The following ITGB5 variants were observed in gnomAD, a reference collection of about 807,000 sequenced individuals.
The protein encoded by ITGB5 is integrin beta-5.
In ITGB5, 38 loss-of-function variants were observed where a neutral mutation model predicts 84.8. That is an observed-to-expected ratio of 0.45 (90% CI 0.35 to 0.59). ITGB5 has a LOEUF of 0.59. Among genes scored for constraint, ITGB5 ranks in the 20% least tolerant of loss-of-function variants. The pLI is 0.01. For missense variants in ITGB5, 905 were observed against 1,034.5 expected (o/e 0.87, Z 1.72); for synonymous variants, 393 against 414.4 (o/e 0.95, Z 0.63).
intron 5 of ITGB5, among the ~76,000 whole-genome samples, chr3:124,825,180 G>C (rs994081820): frequency 2.8e-5 from 4 of 142,650 alleles, no homozygotes; most frequent in Non-Finnish European, 4.5e-5. Context: ...CTGGGCAACA[G>C]AGCGAGACTC....
intron 9 of ITGB5, among the ~76,000 whole-genome samples, chr3:124,802,756 G>A (rs767800382): frequency 3.9e-5 from 6 of 152,242 alleles, no homozygotes; most frequent in Admixed American, 6.5e-5. Context: ...TGGCCTGCAT[G>A]GCCTGGTGTG....
chr3:124,838,385 G>A (rs1341908383), intron 5 of ITGB5, among the ~76,000 whole-genome samples: 1 of 151,706 alleles, frequency 6.6e-6, no homozygotes, highest in Middle Eastern at 3.4e-3. Flanking sequence ...TCTTTCTTTT[G>A]TTTGCAAAAC....
chr3:124,864,545 C>A (rs983440747), intron 2 of ITGB5, among the ~76,000 whole-genome samples: 2 of 152,068 alleles, frequency 1.3e-5, no homozygotes, highest in Admixed American at 6.6e-5. Context: ...AAACCAAATA[C>A]TACGTTTTCC....
chr3:124,814,955 C>T (rs2064563999), intron 8 of ITGB5, among the ~76,000 whole-genome samples: 1 of 152,038 alleles, frequency 6.6e-6, no homozygotes, highest in African/African-American at 2.4e-5. Flanking sequence ...CCCTGCTCCC[C>T]ACTCCCCATC....
At chr3:124,844,496 G>T (rs1364528694) in intron 4 of ITGB5, among the ~76,000 whole-genome samples, 1 of 152,092 alleles carries the variant, frequency 6.6e-6, no homozygotes, top group Non-Finnish European at 1.5e-5. Flanking sequence ...GGAGGTGGAG[G>T]TTGCAGTGAG....
upstream of ITGB5, among the ~76,000 whole-genome samples, chr3:124,892,572 G>A (rs997407747): frequency 3.4e-4 from 50 of 148,270 alleles, no homozygotes; most frequent in African/African-American, 1.2e-3. Context: ...CCAAGTGCCT[G>A]TAGTCCCAGC....
chr3:124,871,290 G>A (rs931862382), intron 2 of ITGB5, among the ~76,000 whole-genome samples: 1 of 152,092 alleles, frequency 6.6e-6, no homozygotes, highest in Non-Finnish European at 1.5e-5. Context: ...CACCTCCCAG[G>A]TTCAAGCAAT....
intron 1 of ITGB5, among the ~76,000 whole-genome samples, chr3:124,896,640 G>A (rs542945232): frequency 6.6e-6 from 1 of 151,938 alleles, no homozygotes; most frequent in South Asian, 2.1e-4. Context: ...AGCTACTTGA[G>A]AGGCTGAGGT....
chr3:124,858,961 G>C (rs896388463), intron 3 of ITGB5, among the ~76,000 whole-genome samples: 7 of 152,156 alleles, frequency 4.6e-5, no homozygotes, highest in Non-Finnish European at 7.3e-5. Context: ...TAATGCTGCT[G>C]AACTGTACAC....
chr3:124,802,902 C>T (rs1441146287), intron 9 of ITGB5, among the ~76,000 whole-genome samples: 3 of 152,114 alleles, frequency 2.0e-5, no homozygotes, highest in African/African-American at 4.8e-5. Flanking sequence ...CCATGGCCCT[C>T]GGACAGCAAG....
chr3:124,864,465 A>G (rs1224059999), intron 2 of ITGB5, among the ~76,000 whole-genome samples: 1 of 152,154 alleles, frequency 6.6e-6, no homozygotes, highest in African/African-American at 2.4e-5. Context: ...CATATCATAA[A>G]GCCTTAGAGA....
chr3:124,786,520 C>T (rs1317892153), intron 10 of ITGB5, among the ~76,000 whole-genome samples: 2 of 152,148 alleles, frequency 1.3e-5, no homozygotes, highest in Non-Finnish European at 2.9e-5. Flanking sequence ...AGCTTAGGGA[C>T]ATCTGGACTC....
chr3:124,769,992 G>A (rs976126068), intron 11 of ITGB5: 1 of 152,230 alleles, frequency 6.6e-6, no homozygotes, highest in African/African-American at 2.4e-5. Context: ...TCAATTAAAT[G>A]GTCATTATTA....
chr3:124,873,083 T>A (rs576589728), intron 2 of ITGB5, among the ~76,000 whole-genome samples: 35 of 152,320 alleles, frequency 2.3e-4, no homozygotes, highest in African/African-American at 8.2e-4. Flanking sequence ...ATGCCAGCCA[T>A]CTAGATATGT....
At chr3:124,830,846 T>TG (rs2064849748) in intron 5 of ITGB5, among the ~76,000 whole-genome samples, 1 of 152,012 alleles carries the variant, frequency 6.6e-6, no homozygotes, top group South Asian at 2.1e-4. Context: ...TAGCCAGGCG[T>TG]GGTGGCACGT....
At chr3:124,799,552 C>A (rs2064285237) in intron 9 of ITGB5, among the ~76,000 whole-genome samples, 2 of 152,190 alleles carry the variant, frequency 1.3e-5, no homozygotes, top group Non-Finnish European at 2.9e-5. Context: ...AGAGTGAGAT[C>A]TTGTCTCAAA....
chr3:124,775,502 G>A (rs1431375146), intron 10 of ITGB5, among the ~76,000 whole-genome samples: 1 of 152,086 alleles, frequency 6.6e-6, no homozygotes, highest in East Asian at 1.9e-4. Context: ...CCTGACAGTG[G>A]AGTCTCCATT....
In ITGB5 at chr3:124,841,407, T is replaced by C. The variant is rs2065008530; in HGVS notation, c.756A>G (p.Ala252=). 6.2e-7 allele frequency: 1 copy of C among 1,614,068 alleles called. No homozygotes were observed. The highest frequency in any genetic ancestry group is 8.5e-7 in the Non-Finnish European group (1 of 1,180,038). ...CCTTGCAGACGGCTGCCTGGAGTACTGCATCAAAGCCCCCCTCAGGGGCAT... is the reference window on the plus strand; with the variant it reads ...CCTTGCAGACGGCTGCCTGGAGTACCGCATCAAAGCCCCCCTCAGGGGCAT... ...NRDAPEGGFD[A]VLQAAVCKEK... The change falls in exon 5 of 15, where the codon GCA becomes GCG. Residue 252 remains alanine, a synonymous_variant. Coordinates refer to ENST00000296181, the MANE Select transcript of ITGB5 (RefSeq NM_002213.5).
chr3:124,886,382 C>A (rs1315828397), intron 1 of ITGB5, among the ~76,000 whole-genome samples: 1 of 152,094 alleles, frequency 6.6e-6, no homozygotes, highest in African/African-American at 2.4e-5. Context: ...CAAAGGCAGG[C>A]GGCTAGCCTA....
Sources: gnomAD v4.1 joint callset for allele counts (sites outside exome capture counted in the v4.1 genomes callset) on GRCh38, gnomAD v4.1.1 for gene constraint, MANE v1.5 for transcripts, NCBI Gene and HGNC (gene_info 2026-07-23, HGNC 2026-07-21) for gene names.